The following C1QL4 variants were observed in gnomAD, a reference collection of about 807,000 sequenced individuals.
The protein encoded by C1QL4 is complement C1q-like protein 4.
C1QL4 carries 5 observed loss-of-function variants against 13.4 expected under a neutral mutation model. The observed-to-expected ratio is 0.37, with a 90% confidence interval of 0.19 to 0.78. C1QL4 has a LOEUF of 0.78. Ranked by LOEUF, C1QL4 falls within the 30% of genes least tolerant of loss-of-function variation. The pLI, the probability that C1QL4 is intolerant of heterozygous loss-of-function variation, is 0.47. For missense variants in C1QL4, 367 were observed against 361.6 expected, an observed-to-expected ratio of 1.01 and a Z score of -0.12; for synonymous variants, 168 against 153.9, an observed-to-expected ratio of 1.09 and a Z score of -0.68.
chr12:49,335,232 C>G lies in C1QL4; in HGVS notation c.537+709G>C, dbSNP rs192420023. ...GACCAGGCCAGGGCCCAAGGCTATT[C>G]TACCTGTCCCTTGCCTCTTTCCTCC... On this transcript the variant is annotated intron_variant, in intron 1 of 1. Transcript: ENST00000334221. Among the ~76,000 whole-genome samples, 185 of 152,316 alleles carry G rather than the reference C, an allele frequency of 1.2e-3. 1 individual carries two copies. In the Middle Eastern group the frequency reaches 0.02, roughly 17 times the overall value.
chr12:49,336,564 G>A lies in C1QL4; in HGVS notation c.-87C>T. On this transcript the variant is annotated 5_prime_UTR_variant, in exon 1 of 2. Transcript: ENST00000334221. The surrounding 1 kb of genome is among the most constrained non-coding windows in gnomAD (Gnocchi z 7.7). The stretch of plus-strand genomic sequence containing the variant: ...GCCAGCAAATCTTCCTCACTCTTGG[G>A]CGCAATGGCTGCCGGGGCCGGGGCT... The A allele has an allele frequency of 7.4e-7, 1 of 1,349,866 alleles. No homozygotes were observed. Among genetic ancestry groups the A allele is most frequent in the Middle Eastern group, 2.7e-4 (1 of 3,692 alleles). 83.6% of individuals were successfully genotyped at this position (1,349,866 alleles called of 1,614,324 possible). A position where few individuals can be genotyped will look rare whatever the true frequency, so the allele number is the denominator to read the frequency against.
chr12:49,334,844 G>T (rs1943619568), intron 1 of C1QL4, among the ~76,000 whole-genome samples: 1 of 152,104 alleles, frequency 6.6e-6, no homozygotes, highest in Non-Finnish European at 1.5e-5. Flanking sequence ...CCGGGTTCCT[G>T]GGGCAGCCCG....
rs754583854 is a variant in C1QL4 at position 49,336,159 on chromosome 12, C to T, written c.319G>A (p.Val107Met). The T allele has an allele frequency of 6.2e-7, 1 of 1,603,942 alleles. No individual in the cohort carries two copies. The change falls in exon 1 of 2, where the codon GTG becomes ATG. Residue 107 changes from valine (V) to methionine (M), a missense_variant. Val to Met is a conservative substitution (Grantham distance 21, BLOSUM62 1). Transcript: ENST00000334221. This position sits in a 1 kb window ranked among gnomAD's most constrained non-coding sequence, Gnocchi z 7.7. ...CCCGCGTAGAAAGCAATGCGAGGCACGTAGCCGGCAGCGGGCGCCACCCCG... is the reference window on the plus strand; with the variant it reads ...CCCGCGTAGAAAGCAATGCGAGGCATGTAGCCGGCAGCGGGCGCCACCCCG... ...PGGVAPAAGY[V>M]PRIAFYAGLR...
chr12:49,333,334 G>A, intron 1 of C1QL4, 101 bp from the exon 2 acceptor site: 2 of 1,276,806 alleles, frequency 1.6e-6, no homozygotes, highest in Admixed American at 2.5e-5. Flanking sequence ...AGCCGCCGCA[G>A]GGGCTGGGGA....
Position 49,336,484 on chromosome 12 carries a change from T to C in C1QL4, c.-7A>G. The C allele has an allele frequency of 6.7e-7, 1 of 1,496,904 alleles. No individual in the cohort carries two copies. Among genetic ancestry groups the C allele is most frequent in the Non-Finnish European group, 8.8e-7 (1 of 1,139,638 alleles). 92.7% of individuals were successfully genotyped at this position (1,496,904 alleles called of 1,614,324 possible). Reference sequence around the variant, plus strand: ...CCAGCAGCAGCAGCACCATGGCCACTCCGACGGCCGCGCCCGCCACCCTCT... The same window carrying C: ...CCAGCAGCAGCAGCACCATGGCCACCCCGACGGCCGCGCCCGCCACCCTCT... On this transcript the variant is annotated 5_prime_UTR_variant, in exon 1 of 2. Coordinates refer to ENST00000334221, the MANE Select transcript of C1QL4 (RefSeq NM_001008223.2). The surrounding 1 kb of genome is among the most constrained non-coding windows in gnomAD (Gnocchi z 7.7).
rs1943630477 is a variant in C1QL4, at chr12:49,336,182, C to T, written c.296G>A (p.Gly99Glu). ...CACGTAGCCGGCAGCGGGCGCCACC[C>T]CGCCCGGACCTGGACCGGGAGGGCC... Reference protein sequence around the residue: ...PPGPPGPGPGGVAPAAGYVPR... With the variant: ...PPGPPGPGPGEVAPAAGYVPR... Residue 99 changes from glycine to glutamate, a missense_variant, in exon 1 of 2, where the codon GGG becomes GAG. Transcript: ENST00000334221. The surrounding 1 kb of genome is among the most constrained non-coding windows in gnomAD (Gnocchi z 7.7). The T allele has an allele frequency of 6.3e-7, 1 of 1,592,854 alleles. No homozygotes were observed. Among genetic ancestry groups the T allele is most frequent in the Non-Finnish European group, 8.5e-7 (1 of 1,170,338 alleles).
In C1QL4 at chr12:49,336,334, G is replaced by T; in HGVS notation, c.144C>A (p.Ser48=). 1.4e-6 allele frequency: 2 copies of T among 1,424,574 alleles called. No individual in the cohort carries two copies. The highest frequency in any genetic ancestry group is 1.8e-6 in the Non-Finnish European group (2 of 1,099,056). 88.2% of individuals were successfully genotyped at this position (1,424,574 alleles called of 1,614,324 possible). ...RGPGPDGAPA[S]VPPFPPGAKG... Reference sequence around the variant, plus strand: ...TGGCGCCTGGCGGGAAGGGGGGCACGGAAGCAGGCGCGCCGTCGGGACCAG... The same window carrying T: ...TGGCGCCTGGCGGGAAGGGGGGCACTGAAGCAGGCGCGCCGTCGGGACCAG... The change falls in exon 1 of 2, where the codon TCC becomes TCA. Residue 48 remains serine, a synonymous_variant. Transcript: ENST00000334221. The surrounding 1 kb of genome is among the most constrained non-coding windows in gnomAD (Gnocchi z 7.7).
In C1QL4 at chr12:49,336,418, C is replaced by T. The variant is rs1354060126; in HGVS notation, c.60G>A (p.Ala20=). Residue 20 remains alanine, a synonymous_variant, in exon 1 of 2, where the codon GCG becomes GCA. Transcript: ENST00000334221. The surrounding 1 kb of genome is among the most constrained non-coding windows in gnomAD (Gnocchi z 7.7). Reference sequence around the variant, plus strand: ...GGCAGCGACCCAGCATCTCGTAGTGCGCTGGCCCGCGGGAGCTGTGCACCA... The same window carrying T: ...GGCAGCGACCCAGCATCTCGTAGTGTGCTGGCCCGCGGGAGCTGTGCACCA... The part of the protein sequence containing the change: ...PLLVHSSRGP[A]HYEMLGRCRM... 5.2e-6 allele frequency: 8 copies of T among 1,546,306 alleles called. No homozygotes were observed. Among genetic ancestry groups the T allele is most frequent in the Non-Finnish European group, 6.9e-6 (8 of 1,159,854 alleles).
At chr12:49,335,847 G>T in intron 1 of C1QL4, 94 bp downstream of exon 1, 1 of 1,427,714 alleles carries the variant, frequency 7.0e-7, no homozygotes, top group Non-Finnish European at 9.6e-7. Flanking sequence ...ATTCAGTGAC[G>T]CTGTTTCGGG....
At position 49,332,953 on chromosome 12, in the gene C1QL4, G is replaced by T; in HGVS notation, c.*101C>A. 1 of 1,256,402 alleles carries T rather than the reference G, an allele frequency of 8.0e-7. No individual in the cohort carries two copies. Among genetic ancestry groups the T allele is most frequent in the Non-Finnish European group, 1.1e-6 (1 of 917,030 alleles). The allele number at this position is 1,256,402 out of a possible 1,614,324, so 77.8% of individuals were successfully genotyped here. A position where few individuals can be genotyped will look rare whatever the true frequency, so the allele number is the denominator to read the frequency against. Reference sequence around the variant, plus strand: ...CGGGAACGGAAGGGTCCACCCCACCGCCAGGCTCTCAAAGGGTGGGGTGGC... The same window carrying T: ...CGGGAACGGAAGGGTCCACCCCACCTCCAGGCTCTCAAAGGGTGGGGTGGC... On this transcript the variant is annotated 3_prime_UTR_variant, in exon 2 of 2. Transcript: ENST00000334221.
rs1353603007 is a variant in C1QL4 at position 49,332,904 on chromosome 12, G to T, written c.*150C>A. 2 of 777,936 alleles carry T rather than the reference G, an allele frequency of 2.6e-6. No homozygotes were observed. The highest frequency in any genetic ancestry group is 2.7e-5 in the East Asian group (1 of 36,968). The allele number at this position is 777,936 out of a possible 1,614,324, so 48.2% of individuals were successfully genotyped here. The stretch of plus-strand genomic sequence containing the variant: ...GGCCACTTATACCCTTGAGCACCAA[G>T]AGTTCGCCCATTTAGGCCGCCTCCG... On this transcript the variant is annotated 3_prime_UTR_variant, in exon 2 of 2. Transcript: ENST00000334221.
In C1QL4 at chr12:49,336,525, G is replaced by A; in HGVS notation, c.-48C>T. 6.9e-7 allele frequency: 1 copy of A among 1,440,120 alleles called. No individual in the cohort carries two copies. Among genetic ancestry groups the A allele is most frequent in the Non-Finnish European group, 9.0e-7 (1 of 1,110,732 alleles). The allele number at this position is 1,440,120 out of a possible 1,614,324, so 89.2% of individuals were successfully genotyped here. The stretch of plus-strand genomic sequence containing the variant: ...GCCACCCTCTTGCGGCGGCTCAGCC[G>A]CGACGCTGCCAGGGCCAGCAAATCT... On this transcript the variant is annotated 5_prime_UTR_variant, in exon 1 of 2. Coordinates refer to ENST00000334221, the MANE Select transcript of C1QL4 (RefSeq NM_001008223.2). This position sits in a 1 kb window ranked among gnomAD's most constrained non-coding sequence, Gnocchi z 7.7.
At chr12:49,335,507 G>A (rs540617845) in intron 1 of C1QL4, among the ~76,000 whole-genome samples, 4 of 152,172 alleles carry the variant, frequency 2.6e-5, no homozygotes, top group Non-Finnish European at 4.4e-5. Context: ...ATTCTAATTC[G>A]AAGGAGCCTA....
chr12:49,333,577 T>C (rs1444186209), intron 1 of C1QL4, among the ~76,000 whole-genome samples: 1 of 151,022 alleles, frequency 6.6e-6, no homozygotes, highest in East Asian at 2.0e-4. Flanking sequence ...AGTTTCATTC[T>C]TTTTGCCCAG....
intron 1 of C1QL4, among the ~76,000 whole-genome samples, chr12:49,335,331 C>T (rs1052799158): frequency 2.6e-5 from 4 of 152,262 alleles, no homozygotes; most frequent in African/African-American, 9.6e-5. Context: ...AGGGCAAGGC[C>T]GTTCTAGGCC....
rs144036824 is a variant in C1QL4, at chr12:49,334,461, G to A, written c.538-1228C>T. Among the ~76,000 whole-genome samples, 868 of 152,354 alleles carry A rather than the reference G, an allele frequency of 5.7e-3. 6 individuals are homozygous for A. The highest frequency in any genetic ancestry group is 0.014 in the African/African-American group (583 of 41,574). On this transcript the variant is annotated intron_variant, in intron 1 of 1. Coordinates refer to ENST00000334221, the MANE Select transcript of C1QL4 (RefSeq NM_001008223.2). ...GAACAGGGAGCACTTCCTCCCCTCC[G>A]GGCTCATGGCGGTCGCTTCGGGCCT...
In C1QL4 at chr12:49,336,403, C is replaced by T. The variant is rs755929745; in HGVS notation, c.75G>A (p.Leu25=). The change falls in exon 1 of 2, where the codon CTG becomes CTA. Residue 25 remains leucine, a synonymous_variant. Transcript: ENST00000334221. This position sits in a 1 kb window ranked among gnomAD's most constrained non-coding sequence, Gnocchi z 7.7. ...SSRGPAHYEM[L]GRCRMVCDPH... ...GGTCGCACACCATGCGGCAGCGACCCAGCATCTCGTAGTGCGCTGGCCCGC... is the reference window on the plus strand; with the variant it reads ...GGTCGCACACCATGCGGCAGCGACCTAGCATCTCGTAGTGCGCTGGCCCGC... The T allele has an allele frequency of 2.6e-6, 4 of 1,525,450 alleles. No individual in the cohort carries two copies. In the South Asian group the frequency reaches 4.9e-5, roughly 19 times the overall value. 94.5% of individuals were successfully genotyped at this position (1,525,450 alleles called of 1,614,324 possible).
rs372070662 is a variant in C1QL4 at position 49,333,842 on chromosome 12, G to A, written c.538-609C>T. On this transcript the variant is annotated intron_variant, in intron 1 of 1. Coordinates refer to ENST00000334221, the MANE Select transcript of C1QL4 (RefSeq NM_001008223.2). ...CGTGAGCCACCGCGCCTGGCTCAGT[G>A]GTTTCCATTCTTAAATTATTTTTAA... 4.5e-3 allele frequency among the ~76,000 whole-genome samples: 686 copies of A among 151,440 alleles called. 4 individuals carry two copies. Among genetic ancestry groups the A allele is most frequent in the African/African-American group, 0.016 (645 of 41,310 alleles).
rs530893234 is a variant in C1QL4 at position 49,332,979 on chromosome 12, G to T, written c.*75C>A. 4 of 1,437,120 alleles carry T rather than the reference G, an allele frequency of 2.8e-6. No individual in the cohort carries two copies. The highest frequency in any genetic ancestry group is 3.7e-6 in the Non-Finnish European group (4 of 1,066,784). The allele number at this position is 1,437,120 out of a possible 1,614,324, so 89.0% of individuals were successfully genotyped here. ...CCAGGCTCTCAAAGGGTGGGGTGGCGCCTCGGGTGGGGCGGGCAGGAGGTG... is the reference window on the plus strand; with the variant it reads ...CCAGGCTCTCAAAGGGTGGGGTGGCTCCTCGGGTGGGGCGGGCAGGAGGTG... On this transcript the variant is annotated 3_prime_UTR_variant, in exon 2 of 2. Coordinates refer to ENST00000334221, the MANE Select transcript of C1QL4 (RefSeq NM_001008223.2).
Sources: gnomAD v4.1 joint callset for allele counts (sites outside exome capture counted in the v4.1 genomes callset) on GRCh38, gnomAD v4.1.1 for gene constraint, Gnocchi (gnomAD v3.1) non-coding constraint, MANE v1.5 for transcripts, NCBI Gene and HGNC (gene_info 2026-07-23, HGNC 2026-07-21) for gene names.